Variants in BCAS3 observed in about 807,000 individuals in gnomAD.
The protein encoded by BCAS3 is BCAS4/BCAS3 fusion.
In BCAS3, 53 loss-of-function variants were observed where a neutral mutation model predicts 116.1. The observed-to-expected ratio is 0.46, with a 90% confidence interval of 0.37 to 0.57. BCAS3 has a LOEUF of 0.57. Among genes scored for constraint, BCAS3 ranks in the 20% least tolerant of loss-of-function variants. The pLI, the probability that BCAS3 is intolerant of heterozygous loss-of-function variation, is 0.00. For missense variants in BCAS3, 917 were observed against 1,165.4 expected, an observed-to-expected ratio of 0.79 and a Z score of 3.10; for synonymous variants, 391 against 408.2, an observed-to-expected ratio of 0.96 and a Z score of 0.51.
chr17:61,368,440 C>G lies in BCAS3; in HGVS notation c.2539C>G (p.Leu847Val). Residue 847 changes from leucine (L) to valine (V), a missense_variant, in exon 23 of 24, where the codon CTT becomes GTT. Transcript: ENST00000407086. This position sits in a 1 kb window ranked among gnomAD's most constrained non-coding sequence, Gnocchi z 6.0. Reference protein sequence around the residue: ...EHTEEGLRERLADAMAESPSR... With the variant: ...EHTEEGLRERVADAMAESPSR... ...CACGGAGGAGGGCCTCCGGGAGCGA[C>G]TTGCCGACGCCATGGCCGAGTCACC... 6.2e-7 allele frequency: 1 copy of G among 1,612,436 alleles called. No homozygotes were observed. Among genetic ancestry groups the G allele is most frequent in the Non-Finnish European group, 8.5e-7 (1 of 1,178,602 alleles).
intron 6 of BCAS3, among the ~76,000 whole-genome samples, chr17:60,753,368 GTTAT>G (rs942398957): frequency 2.7e-5 from 4 of 148,290 alleles, no homozygotes; most frequent in Non-Finnish European, 3.0e-5. Context: ...TTATTTTGTT[GTTAT>G]TTGTCTCTTA....
At chr17:60,955,935 T>G (rs2061108412) in intron 14 of BCAS3, among the ~76,000 whole-genome samples, 2 of 152,332 alleles carry the variant, frequency 1.3e-5, no homozygotes, top group South Asian at 2.1e-4. Context: ...TTTTGATTTG[T>G]TATTGATGAT....
At chr17:61,092,957 G>A (rs2073715119) in intron 22 of BCAS3, among the ~76,000 whole-genome samples, 1 of 139,046 alleles carries the variant, frequency 7.2e-6, no homozygotes, top group Admixed American at 7.5e-5. Flanking sequence ...TGAGGCTGGA[G>A]TGCAGTGGCA....
At chr17:61,280,815 C>G (rs1222178697) in intron 22 of BCAS3, among the ~76,000 whole-genome samples, 4 of 152,164 alleles carry the variant, frequency 2.6e-5, no homozygotes, top group Admixed American at 2.6e-4. Context: ...TTCACACATG[C>G]CTGATCATTT....
chr17:61,322,804 GAGAGAGAGAGAGAGAGAGAGAGAGAC>G (rs1456378092), intron 22 of BCAS3, among the ~76,000 whole-genome samples: 4,520 of 127,068 alleles, frequency 0.036, 74 homozygotes, highest in Non-Finnish European at 0.056. Context: ...CAGAGAGAGA[GAGAGAGAGAGAGAGAGAGAGAGAGAC>G]AGAGAGAGAG....
chr17:61,093,750 A>T (rs1414415203), intron 22 of BCAS3, among the ~76,000 whole-genome samples: 2 of 152,112 alleles, frequency 1.3e-5, no homozygotes, highest in East Asian at 3.9e-4. Context: ...TTATTCTGTT[A>T]CATTGATTTA....
chr17:60,750,928 T>C (rs540128278), intron 6 of BCAS3, among the ~76,000 whole-genome samples: 2 of 152,344 alleles, frequency 1.3e-5, no homozygotes, highest in Non-Finnish European at 1.5e-5. Context: ...TCTTGTTTGC[T>C]ACATTTGCAG....
At position 61,389,152 on chromosome 17, in the gene BCAS3, G is replaced by A. The variant is rs73991908; in HGVS notation, c.2594-2825G>A. 6.6e-3 allele frequency: 1,101 copies of A among 165,770 alleles called. 11 individuals are homozygous for A. The highest frequency in any genetic ancestry group is 0.025 in the African/African-American group (1,059 of 41,806). 10.3% of individuals were successfully genotyped at this position (165,770 alleles called of 1,614,324 possible). ...AGGAGTCAGCACAGCGCAGGGTAGG[G>A]TCTGGCAGGCTCTGCTCGGGGGACA... On this transcript the variant is annotated intron_variant, in intron 23 of 23. Coordinates refer to ENST00000407086, the MANE Select transcript of BCAS3 (RefSeq NM_017679.5).
At chr17:61,329,272 A>G (rs914131878) in intron 22 of BCAS3, among the ~76,000 whole-genome samples, 1 of 151,994 alleles carries the variant, frequency 6.6e-6, no homozygotes, top group Non-Finnish European at 1.5e-5. Flanking sequence ...ATACCAAAAC[A>G]TCAGGGGTTA....
At position 61,291,027 on chromosome 17, in the gene BCAS3, G is replaced by A. The variant is rs532860190; in HGVS notation, c.2426-77300G>A. On this transcript the variant is annotated intron_variant, in intron 22 of 23. Coordinates refer to ENST00000407086, the MANE Select transcript of BCAS3 (RefSeq NM_017679.5). ...GATCTCCTGACCTCATAATCCACCC[G>A]CCTTGGCCTCCCAAAGCGCTGGGAT... 4.6e-5 allele frequency among the ~76,000 whole-genome samples: 7 copies of A among 152,200 alleles called. No individual in the cohort carries two copies. The South Asian group carries it at 8.3e-4, about 18-fold the overall frequency.
chr17:61,298,980 A>G (rs1302933647), intron 22 of BCAS3, among the ~76,000 whole-genome samples: 1 of 151,508 alleles, frequency 6.6e-6, no homozygotes, highest in Non-Finnish European at 1.5e-5. Context: ...CCTGCACCAT[A>G]CCCGGCTACT....
chr17:61,271,284 C>T (rs868632835), intron 22 of BCAS3, among the ~76,000 whole-genome samples: 13 of 149,286 alleles, frequency 8.7e-5, no homozygotes, highest in African/African-American at 2.2e-4. Flanking sequence ...CATGCCACCA[C>T]GCCCGACTAG....
At chr17:61,025,030 T>C (rs2066137932) in intron 16 of BCAS3, among the ~76,000 whole-genome samples, 1 of 152,082 alleles carries the variant, frequency 6.6e-6, no homozygotes, top group Non-Finnish European at 1.5e-5. Context: ...TAGGTGAAAT[T>C]AAGAGAAGTT....
At chr17:60,795,375 T>C (rs1218999391) in intron 6 of BCAS3, among the ~76,000 whole-genome samples, 1 of 152,198 alleles carries the variant, frequency 6.6e-6, no homozygotes, top group African/African-American at 2.4e-5. Context: ...AGTGACAGTT[T>C]GATTCCTCTT....
rs538005392 is a variant in BCAS3 at position 61,300,253 on chromosome 17, C to T, written c.2426-68074C>T. On this transcript the variant is annotated intron_variant, in intron 22 of 23. Transcript: ENST00000407086. This position sits in a 1 kb window ranked among gnomAD's most constrained non-coding sequence, Gnocchi z 5.1. ...ACAGTCCCAGTTGGTTTCACTGTCC[C>T]GAGACCCTAAGGATGTTTTCGTAGA... 2.0e-5 allele frequency among the ~76,000 whole-genome samples: 3 copies of T among 152,294 alleles called. No homozygotes were observed. The highest frequency in any genetic ancestry group is 6.5e-5 in the Admixed American group (1 of 15,306).
intron 5 of BCAS3, among the ~76,000 whole-genome samples, chr17:60,726,601 G>A (rs1298222778): frequency 6.7e-6 from 1 of 148,494 alleles, no homozygotes; most frequent in African/African-American, 2.5e-5. Context: ...GCTCCGCCTC[G>A]CAGGTTCACG....
intron 19 of BCAS3, among the ~76,000 whole-genome samples, chr17:61,043,184 G>C (rs998638326): frequency 2.0e-5 from 3 of 151,888 alleles, no homozygotes; most frequent in African/African-American, 7.2e-5. Flanking sequence ...CGGCAACATA[G>C]TGAAACCCCA....
At chr17:60,968,413 T>C (rs908358904) in intron 14 of BCAS3, among the ~76,000 whole-genome samples, 1 of 152,116 alleles carries the variant, frequency 6.6e-6, no homozygotes, top group African/African-American at 2.4e-5. Context: ...GTTGTTGTTG[T>C]TAGAGACAGA....
At chr17:61,386,190 C>G (rs760459798) in intron 23 of BCAS3, among the ~76,000 whole-genome samples, 9 of 152,224 alleles carry the variant, frequency 5.9e-5, no homozygotes, top group Non-Finnish European at 1.2e-4. Flanking sequence ...CACAAAGATT[C>G]GAGTAACTTT....
Sources: allele counts gnomAD v4.1 joint callset (sites outside exome capture counted in the v4.1 genomes callset), GRCh38; gene constraint gnomAD v4.1.1; non-coding constraint Gnocchi (gnomAD v3.1); transcripts MANE v1.5; gene names NCBI Gene and HGNC (gene_info 2026-07-23, HGNC 2026-07-21).